Variants in SCFD2 observed in about 807,000 individuals in gnomAD.
The protein encoded by SCFD2 is sec1 family domain containing 2.
SCFD2 carries 54 observed loss-of-function variants against 58.9 expected under a neutral mutation model. The observed-to-expected ratio is 0.92, with a 90% CI of 0.74 to 1.15. The LOEUF is 1.15. Ranked by LOEUF, SCFD2 falls within the 50% of genes most tolerant of loss-of-function variation. The probability of loss-of-function intolerance (pLI) is 0.00; values close to 1 mark genes in which losing one functional copy is unlikely to be tolerated. For synonymous variants in SCFD2, 321 were observed against 335.9 expected (o/e 0.96, Z 0.49); for missense variants, 805 against 836.6 (o/e 0.96, Z 0.47).
chr4:53,256,129 G>A (rs1229762367), intron 4 of SCFD2, among the ~76,000 whole-genome samples: 7 of 151,498 alleles, frequency 4.6e-5, no homozygotes, highest in South Asian at 2.1e-4. Context: ...CTTCCCAGAC[G>A]GGGTGGCTGC....
chr4:53,114,695 C>G (rs1429177587), intron 5 of SCFD2, among the ~76,000 whole-genome samples: 5 of 151,964 alleles, frequency 3.3e-5, no homozygotes, highest in Admixed American at 2.6e-4. Context: ...TCAGGAAGTT[C>G]TTCAGATTGA....
chr4:52,877,270 T>A lies in SCFD2; in HGVS notation c.1963-3209A>T, dbSNP rs142704148. Among the ~76,000 whole-genome samples, 6 of 152,142 alleles carry A rather than the reference T, an allele frequency of 3.9e-5. No individual in the cohort carries two copies. In the East Asian group the frequency reaches 1.2e-3, roughly 29 times the overall value. ...TAACAGTAATCAGCCTACAGCTTCA[T>A]GAGGGCTCAGCCAGAGGCTGTCTGG... On this transcript the variant is annotated intron_variant, in intron 8 of 8. Transcript: ENST00000401642.
chr4:52,976,436 C>T (rs1359126417), intron 5 of SCFD2, among the ~76,000 whole-genome samples: 1 of 152,164 alleles, frequency 6.6e-6, no homozygotes, highest in African/African-American at 2.4e-5. Flanking sequence ...TCCTATCAAG[C>T]TTTCTCTTTA....
chr4:53,247,787 G>T (rs912623743), intron 4 of SCFD2, among the ~76,000 whole-genome samples: 29 of 141,458 alleles, frequency 2.1e-4, no homozygotes, highest in Admixed American at 1.7e-3. Flanking sequence ...CGTGAACCCG[G>T]GAAGCGGAGC....
intron 4 of SCFD2, among the ~76,000 whole-genome samples, chr4:53,218,143 G>C (rs562810228): frequency 8.3e-4 from 127 of 152,258 alleles, no homozygotes; most frequent in African/African-American, 2.9e-3. Flanking sequence ...TTCTCAAGGA[G>C]TATCTTTGTG....
At chr4:53,141,624 T>C (rs1577770175) in intron 5 of SCFD2, among the ~76,000 whole-genome samples, 1 of 143,442 alleles carries the variant, frequency 7.0e-6, no homozygotes, top group Admixed American at 7.3e-5. Context: ...TGTGATAATG[T>C]ACATTTGTGG....
intron 7 of SCFD2, among the ~76,000 whole-genome samples, chr4:52,895,868 A>C (rs886604588): frequency 3.3e-5 from 5 of 152,170 alleles, no homozygotes; most frequent in Non-Finnish European, 7.3e-5. Flanking sequence ...CTGGTGTGAG[A>C]TGATATCTCA....
intron 7 of SCFD2, among the ~76,000 whole-genome samples, chr4:52,887,273 G>T (rs1232412905): frequency 6.6e-6 from 1 of 152,190 alleles, no homozygotes; most frequent in African/African-American, 2.4e-5. Context: ...AAGCTAGCCT[G>T]AGCTGAGGGT....
intron 5 of SCFD2, among the ~76,000 whole-genome samples, chr4:52,981,956 G>A (rs912411819): frequency 1.3e-5 from 2 of 152,116 alleles, no homozygotes; most frequent in African/African-American, 4.8e-5. Context: ...ATGTGACAGT[G>A]GAACTGGAAA....
chr4:53,193,455 A>G (rs1727973109), intron 4 of SCFD2, among the ~76,000 whole-genome samples: 1 of 152,236 alleles, frequency 6.6e-6, no homozygotes, highest in African/African-American at 2.4e-5. Flanking sequence ...CACTACATCC[A>G]TCACTTAAAT....
chr4:53,032,790 C>A (rs1289413672), intron 5 of SCFD2, among the ~76,000 whole-genome samples: 1 of 151,998 alleles, frequency 6.6e-6, no homozygotes, highest in Non-Finnish European at 1.5e-5. Context: ...TATATATGCA[C>A]CCAATACACA....
intron 2 of SCFD2, among the ~76,000 whole-genome samples, chr4:53,330,176 A>G (rs1311878416): frequency 6.6e-6 from 1 of 152,244 alleles, no homozygotes; most frequent in Non-Finnish European, 1.5e-5. Flanking sequence ...ACGCTGCAGG[A>G]TATTATCCAG....
intron 3 of SCFD2, among the ~76,000 whole-genome samples, chr4:53,301,114 G>A (rs1443369807): frequency 6.6e-6 from 1 of 152,046 alleles, no homozygotes; most frequent in African/African-American, 2.4e-5. Context: ...CAGAACTGAA[G>A]GAAATAGAGA....
intron 2 of SCFD2, among the ~76,000 whole-genome samples, chr4:53,331,839 T>C (rs868123576): frequency 3.9e-5 from 6 of 151,928 alleles, no homozygotes; most frequent in Admixed American, 1.3e-4. Flanking sequence ...ACAAAATTGA[T>C]AGACCGCTAG....
intron 5 of SCFD2, among the ~76,000 whole-genome samples, chr4:53,094,626 A>G (rs1724564954): frequency 6.6e-6 from 1 of 151,918 alleles, no homozygotes; most frequent in Admixed American, 6.6e-5. Flanking sequence ...AGTATTGGCA[A>G]CTCTGCTCTT....
chr4:53,279,578 A>T (rs1337465504), intron 3 of SCFD2, among the ~76,000 whole-genome samples: 1 of 152,226 alleles, frequency 6.6e-6, no homozygotes, highest in Non-Finnish European at 1.5e-5. Context: ...AAACAAAAGG[A>T]TTTAATATTA....
At chr4:52,893,564 T>C (rs1718929218) in intron 7 of SCFD2, among the ~76,000 whole-genome samples, 1 of 152,194 alleles carries the variant, frequency 6.6e-6, no homozygotes, top group African/African-American at 2.4e-5. Flanking sequence ...CAATCTCCCC[T>C]GCCCACATGG....
chr4:53,271,208 G>T (rs1158682544), intron 4 of SCFD2, among the ~76,000 whole-genome samples: 2 of 151,678 alleles, frequency 1.3e-5, no homozygotes, highest in Non-Finnish European at 2.9e-5. Context: ...AATATTTTTG[G>T]CAATGTCTGG....
intron 5 of SCFD2, among the ~76,000 whole-genome samples, chr4:52,958,699 C>T (rs1318330221): frequency 6.6e-6 from 1 of 152,110 alleles, no homozygotes; most frequent in African/African-American, 2.4e-5. Flanking sequence ...GCCAGAAATA[C>T]GGGAGGAAAC....
Sources: gnomAD v4.1 joint callset for allele counts (sites outside exome capture counted in the v4.1 genomes callset) on GRCh38, gnomAD v4.1.1 for gene constraint, MANE v1.5 for transcripts, NCBI Gene and HGNC (gene_info 2026-07-23, HGNC 2026-07-21) for gene names.